Variants in LTBP1 observed in about 807,000 individuals in gnomAD.
The protein encoded by LTBP1 is latent transforming growth factor beta binding protein 1.
LTBP1 carries 129 observed loss-of-function variants against 207.6 expected under a neutral mutation model. The observed-to-expected ratio is 0.62, with a 90% confidence interval of 0.54 to 0.72. The LOEUF (loss-of-function observed/expected upper bound fraction) is 0.72, where lower values mean the gene tolerates loss of function less well. Ranked by LOEUF, LTBP1 falls within the 30% of genes least tolerant of loss-of-function variation. The pLI is 0.00. For synonymous variants in LTBP1, 963 were observed against 833.7 expected, an observed-to-expected ratio of 1.16 and a Z score of -2.67; for missense variants, 2,281 against 2,217.2, an observed-to-expected ratio of 1.03 and a Z score of -0.58.
chr2:33,020,229 A>G lies in LTBP1; in HGVS notation c.566-680A>G, dbSNP rs1477846503. 2.6e-5 allele frequency among the ~76,000 whole-genome samples: 4 copies of G among 152,026 alleles called. No individual in the cohort carries two copies. The East Asian group carries it at 7.7e-4, about 29-fold the overall frequency. On this transcript the variant is annotated intron_variant, in intron 2 of 33. Transcript: ENST00000404816. ...TGGTTTTCTCGTTTTCTCGTATGTC[A>G]AAGAGTAGATTGGACTAAATTTCTG...
chr2:33,158,134 T>C (rs1210517691), intron 5 of LTBP1, among the ~76,000 whole-genome samples: 2 of 99,588 alleles, frequency 2.0e-5, no homozygotes, highest in Non-Finnish European at 3.7e-5. Context: ...GAAACTCTTG[T>C]CTCAAAAAAA....
intron 2 of LTBP1, among the ~76,000 whole-genome samples, chr2:32,953,351 A>C (rs1677504696): frequency 1.3e-5 from 2 of 152,078 alleles, no homozygotes; most frequent in Admixed American, 1.3e-4. Context: ...CAGAGTGATT[A>C]TATATTTTTT....
chr2:33,029,715 G>A (rs2075603222), intron 3 of LTBP1, among the ~76,000 whole-genome samples: 2 of 152,152 alleles, frequency 1.3e-5, no homozygotes, highest in African/African-American at 2.4e-5. Flanking sequence ...TCGTTTACAT[G>A]TCAGTGTCTG....
At chr2:33,138,239 T>C (rs962676370) in intron 5 of LTBP1, among the ~76,000 whole-genome samples, 3 of 152,212 alleles carry the variant, frequency 2.0e-5, no homozygotes, top group South Asian at 4.1e-4. Context: ...ATGCAGTCTC[T>C]GTTCTTGAGT....
At chr2:33,347,255 TG>T in intron 25 of LTBP1, 111 bp from the exon 26 acceptor site, 1 of 1,217,516 alleles carries the variant, frequency 8.2e-7, no homozygotes, top group Non-Finnish European at 1.2e-6. Flanking sequence ...GACTGCTCTC[TG>T]GGGATCGCCT....
chr2:33,309,686 A>C, intron 23 of LTBP1, 130 bp downstream of exon 23: 1 of 1,090,796 alleles, frequency 9.2e-7, no homozygotes, highest in South Asian at 1.5e-5. Flanking sequence ...TTTGATATTA[A>C]AATAGCTGTC....
intron 5 of LTBP1, among the ~76,000 whole-genome samples, chr2:33,162,847 A>G (rs2084582864): frequency 6.6e-6 from 1 of 152,230 alleles, no homozygotes; most frequent in Non-Finnish European, 1.5e-5. Flanking sequence ...TACAGACAGG[A>G]ACCCTTGTCA....
At chr2:33,113,044 G>A (rs148901011) in intron 4 of LTBP1, among the ~76,000 whole-genome samples, 17 of 152,326 alleles carry the variant, frequency 1.1e-4, no homozygotes, top group Admixed American at 2.6e-4. Context: ...TGAGCATGAT[G>A]TATCTTGGAG....
rs530910882 is a variant in LTBP1, at chr2:33,270,030, C to A, written c.2618-3626C>A. ...ACTCAGGGTTCAAGCGATTCTCCTG[C>A]CTCAGCCTCCCGAATAGCTGGGACT... On this transcript the variant is annotated intron_variant, in intron 15 of 33. Transcript: ENST00000404816. Among the ~76,000 whole-genome samples the A allele has an allele frequency of 8.0e-5, 12 of 150,558 alleles. No homozygotes were observed. The South Asian group carries it at 1.9e-3, about 24-fold the overall frequency.
At chr2:33,360,531 T>A in intron 26 of LTBP1, 66 bp from the exon 27 acceptor site, 1 of 1,031,510 alleles carries the variant, frequency 9.7e-7, no homozygotes, top group Non-Finnish European at 1.5e-6. Context: ...CATTGCATTC[T>A]CTACTTGTTG....
rs745896265 is a variant in LTBP1 at position 33,252,682 on chromosome 2, C to T, written c.2005C>T (p.Pro669Ser). The T allele has an allele frequency of 1.2e-6, 2 of 1,609,256 alleles. No individual in the cohort carries two copies. The highest frequency in any genetic ancestry group is 1.7e-6 in the Non-Finnish European group (2 of 1,176,516). The change falls in exon 11 of 34, where the codon CCC (proline) becomes TCC (serine). Residue 669 changes from proline (P) to serine (S), a missense_variant. By Grantham distance (74) the Pro-to-Ser change is moderately conservative (BLOSUM62 -1). Transcript: ENST00000404816. ...DPTFSSCVPD[P>S]PVISEEKGPC... ...GCTTTATCTCTCTGCTTCAGCTGATCCCCCTGTGATCTCGGAAGAGAAAGG... is the reference window on the plus strand; with the variant it reads ...GCTTTATCTCTCTGCTTCAGCTGATTCCCCTGTGATCTCGGAAGAGAAAGG...
chr2:33,071,754 T>C (rs570584238), intron 3 of LTBP1, among the ~76,000 whole-genome samples: 3 of 152,294 alleles, frequency 2.0e-5, no homozygotes, highest in African/African-American at 7.2e-5. Context: ...ACGTGGGACA[T>C]GTTCATCACG....
At chr2:33,040,140 G>A (rs1205560314) in intron 3 of LTBP1, among the ~76,000 whole-genome samples, 1 of 152,150 alleles carries the variant, frequency 6.6e-6, no homozygotes, top group Non-Finnish European at 1.5e-5. Context: ...TGAAGGGTAA[G>A]CAGTGGTTTG....
chr2:33,223,581 T>C (rs1293885822), intron 9 of LTBP1, among the ~76,000 whole-genome samples: 1 of 152,242 alleles, frequency 6.6e-6, no homozygotes, highest in Admixed American at 6.5e-5. Flanking sequence ...AAATAATGAA[T>C]AGATTTTAAG....
chr2:33,223,952 A>AG (rs762564484), intron 9 of LTBP1, among the ~76,000 whole-genome samples: 1 of 152,214 alleles, frequency 6.6e-6, no homozygotes, highest in Non-Finnish European at 1.5e-5. Flanking sequence ...ACCTAATAAC[A>AG]GGGGACACTT....
chr2:33,225,269 T>C (rs1179293769), intron 9 of LTBP1, among the ~76,000 whole-genome samples: 2 of 152,366 alleles, frequency 1.3e-5, no homozygotes, highest in Middle Eastern at 3.4e-3. Flanking sequence ...TCAGTGTATC[T>C]TCCTTCTACC....
In LTBP1 at chr2:33,092,285, A is replaced by C. The variant is rs1009376900; in HGVS notation, c.864-18297A>C. On this transcript the variant is annotated intron_variant, in intron 3 of 33. Coordinates refer to ENST00000404816, the MANE Select transcript of LTBP1 (RefSeq NM_206943.4). ...GATCCCGTCCCTTTACTAGTTATCC[A>C]TATGTAAAGGATCTGTTCTTTATTG... is the stretch of plus-strand genomic sequence containing the variant. Among the ~76,000 whole-genome samples, 41 of 152,208 alleles carry C rather than the reference A, an allele frequency of 2.7e-4. 1 individual carries two copies.
chr2:33,093,763 G>A (rs1322468070), intron 3 of LTBP1, among the ~76,000 whole-genome samples: 7 of 151,912 alleles, frequency 4.6e-5, no homozygotes, highest in Non-Finnish European at 1.0e-4. Context: ...CCAGCTAATT[G>A]AATTCCACTG....
chr2:33,393,653 G>A, intron 32 of LTBP1, among the ~76,000 whole-genome samples: 1 of 152,104 alleles, frequency 6.6e-6, no homozygotes, highest in East Asian at 1.9e-4. Context: ...AGCATTCCAT[G>A]GTGTATATGT....
Sources: gnomAD v4.1 joint callset for allele counts (sites outside exome capture counted in the v4.1 genomes callset) on GRCh38, gnomAD v4.1.1 for gene constraint, MANE v1.5 for transcripts, NCBI Gene and HGNC (gene_info 2026-07-23, HGNC 2026-07-21) for gene names.